The following ITGA5 variants were observed in gnomAD, a reference collection of about 807,000 sequenced individuals.
ITGA5 encodes the protein integrin subunit alpha 5.
A neutral mutation model predicts 146.3 loss-of-function variants in ITGA5; 55 were observed. The ratio of observed to expected loss-of-function variants is 0.38; its 90% CI spans 0.30 to 0.47. The LOEUF is 0.47. ITGA5 is among the 20% of genes least tolerant of loss of function. The pLI, the probability that ITGA5 is intolerant of heterozygous loss-of-function variation, is 0.99. For missense variants in ITGA5, 1,131 were observed against 1,329.0 expected (o/e 0.85, Z 2.32); for synonymous variants, 500 against 531.8 (o/e 0.94, Z 0.82).
At position 54,401,044 on chromosome 12, in the gene ITGA5, GC is replaced by G; in HGVS notation, c.2494-50del. 6.4e-7 allele frequency: 1 copy of G among 1,566,094 alleles called. No homozygotes were observed. On this transcript the variant is annotated intron_variant, in intron 24 of 29. Coordinates refer to ENST00000293379, the MANE Select transcript of ITGA5 (RefSeq NM_002205.5). This position sits in a 1 kb window ranked among gnomAD's most constrained non-coding sequence, Gnocchi z 5.0. ...TCATGAGAAGGAAGGGAATGCTTCTGCCCCATTGAGACCCTGGATCACCATG... is the reference window on the plus strand; with the variant it reads ...TCATGAGAAGGAAGGGAATGCTTCTGCCCATTGAGACCCTGGATCACCATG...
chr12:54,410,095 C>T (rs2700163), intron 2 of ITGA5, among the ~76,000 whole-genome samples: 139,900 of 151,954 alleles, frequency 0.92, 64,489 homozygotes, highest in East Asian at 0.95. Flanking sequence ...GACCTCATGA[C>T]CTGCCCGCCT....
chr12:54,404,738 C>A lies in ITGA5; in HGVS notation c.1382G>T (p.Arg461Leu). 6.2e-7 allele frequency: 1 copy of A among 1,614,130 alleles called. No homozygotes were observed. Among genetic ancestry groups the A allele is most frequent in the Non-Finnish European group, 8.5e-7 (1 of 1,180,026 alleles). The stretch of plus-strand genomic sequence containing the variant: ...ATTGCCATCCAGGTCTCGGCCTCCT[C>A]GAAGGGCAGAGCCAAAGAAGTCTGG... ...HTPDFFGSALRGGRDLDGNGY... is the reference protein window; with the variant it reads ...HTPDFFGSALLGGRDLDGNGY... Residue 461 changes from arginine to leucine, a missense_variant, in exon 13 of 30, where the codon CGA becomes CTA. Around this residue, in one of 3 missense-constraint regions of ITGA5, gnomAD observed 889 missense variants for 1,021.5 expected, o/e 0.87. Transcript: ENST00000293379.
rs757032816 is a variant in ITGA5, at chr12:54,401,429, G to C, written c.2437C>G (p.Arg813Gly). 1.2e-6 allele frequency: 2 copies of C among 1,614,074 alleles called. No individual in the cohort carries two copies. The highest frequency in any genetic ancestry group is 1.1e-5 in the South Asian group (1 of 91,064). Residue 813 changes from arginine to glycine, a missense_variant, in exon 24 of 30, where the codon CGA becomes GGA. Physicochemically the swap from Arg to Gly is moderately radical, Grantham distance 125. Around this residue, in one of 3 missense-constraint regions of ITGA5, gnomAD observed 889 missense variants for 1,021.5 expected, o/e 0.87. Coordinates refer to ENST00000293379, the MANE Select transcript of ITGA5 (RefSeq NM_002205.5). The surrounding 1 kb of genome is among the most constrained non-coding windows in gnomAD (Gnocchi z 5.0). ...VLFPVSDWHP[R>G]DQPQKEEDLG... ...TCCTCCTCCTTCTGAGGCTGGTCTC[G>C]GGGATGCCAGTCGCTTACTGGGAAT...
At chr12:54,396,985 C>G (rs1955718708) in intron 29 of ITGA5, among the ~76,000 whole-genome samples, 1 of 152,168 alleles carries the variant, frequency 6.6e-6, no homozygotes, top group Non-Finnish European at 1.5e-5. Flanking sequence ...CACACCTGGC[C>G]ATGGCTGCCT....
In ITGA5 at chr12:54,401,344, C is replaced by T. The variant is rs932715844; in HGVS notation, c.2493+29G>A. 1 of 1,471,250 alleles carries T rather than the reference C, an allele frequency of 6.8e-7. No individual in the cohort carries two copies. The highest frequency in any genetic ancestry group is 9.5e-7 in the Non-Finnish European group (1 of 1,050,612). 91.1% of individuals were successfully genotyped at this position (1,471,250 alleles called of 1,614,324 possible). On this transcript the variant is annotated intron_variant, in intron 24 of 29. Transcript: ENST00000293379. The surrounding 1 kb of genome is among the most constrained non-coding windows in gnomAD (Gnocchi z 5.0). The stretch of plus-strand genomic sequence containing the variant: ...TATTAGCTCCTCCTTTCCCATCATT[C>T]ATTCTGGCCCTGCCCCTTCCCCCCT...
chr12:54,400,803 C>T (rs574829843), intron 25 of ITGA5, 43 bp downstream of exon 25: 3 of 1,600,026 alleles, frequency 1.9e-6, no homozygotes, highest in African/African-American at 2.7e-5. Flanking sequence ...CCTTGGTCCT[C>T]TGAATCTGCT....
At chr12:54,406,165 A>G in intron 9 of ITGA5, 1 of 582,162 alleles carries the variant, frequency 1.7e-6, no homozygotes, top group Non-Finnish European at 3.1e-6. Context: ...TTTTGTATTT[A>G]TCTGTTCGTT....
intron 25 of ITGA5, 134 bp from the exon 26 acceptor site, chr12:54,400,081 A>G (rs1039004504): frequency 2.7e-5 from 18 of 670,670 alleles, no homozygotes; most frequent in African/African-American, 2.0e-4. Context: ...TCCACCTCCT[A>G]TGCGCAAGGC....
Position 54,403,605 on chromosome 12 carries a change from C to G in ITGA5, c.1776+20G>C, listed in dbSNP as rs1414217717. 6.2e-7 allele frequency: 1 copy of G among 1,608,086 alleles called. No homozygotes were observed. Among genetic ancestry groups the G allele is most frequent in the African/African-American group, 1.3e-5 (1 of 74,898 alleles). On this transcript the variant is annotated intron_variant, in intron 17 of 29. Coordinates refer to ENST00000293379, the MANE Select transcript of ITGA5 (RefSeq NM_002205.5). The surrounding 1 kb of genome is among the most constrained non-coding windows in gnomAD (Gnocchi z 4.9). ...GGCCACCCTCCCTGGCCAGTCCACA[C>G]CCCGCCCTCTGGGCCATACCCTGAG...
In ITGA5 at chr12:54,407,486, G is replaced by A. The variant is rs555800868; in HGVS notation, c.906+163C>T. 4,848 of 675,334 alleles carry A rather than the reference G, an allele frequency of 7.2e-3. 24 individuals carry two copies. Among genetic ancestry groups the A allele is most frequent in the Non-Finnish European group, 0.01 (3,707 of 364,752 alleles). 41.8% of individuals were successfully genotyped at this position (675,334 alleles called of 1,614,324 possible). A position where few individuals can be genotyped will look rare whatever the true frequency, so the allele number is the denominator to read the frequency against. On this transcript the variant is annotated intron_variant, in intron 9 of 29. Transcript: ENST00000293379. Reference sequence around the variant, plus strand: ...CAGCAGGAAGCAGAGTATGAATAAAGAGCAGAATGATTCTGCCAGAGTAAG... The same window carrying A: ...CAGCAGGAAGCAGAGTATGAATAAAAAGCAGAATGATTCTGCCAGAGTAAG...
At chr12:54,415,611 C>T (rs545777945) in intron 1 of ITGA5, among the ~76,000 whole-genome samples, 1 of 152,286 alleles carries the variant, frequency 6.6e-6, no homozygotes, top group African/African-American at 2.4e-5. Flanking sequence ...AACTTATTCC[C>T]TCCTCTCATA....
Position 54,409,083 on chromosome 12 carries a change from T to TA in ITGA5, c.584-130dup. On this transcript the variant is annotated intron_variant, in intron 4 of 29. Transcript: ENST00000293379. The surrounding 1 kb of genome is among the most constrained non-coding windows in gnomAD (Gnocchi z 4.7). ...GCCTTCCTGGACCAGACAGTAAGCATAAAGGCTAACGAACTGGGTTAGCCT... is the reference window on the plus strand; with the variant it reads ...GCCTTCCTGGACCAGACAGTAAGCATAAAAGGCTAACGAACTGGGTTAGCCT... 7.1e-7 allele frequency: 1 copy of TA among 1,409,682 alleles called. No homozygotes were observed. The highest frequency in any genetic ancestry group is 9.8e-7 in the Non-Finnish European group (1 of 1,015,988). 87.3% of individuals were successfully genotyped at this position (1,409,682 alleles called of 1,614,324 possible). A position where few individuals can be genotyped will look rare whatever the true frequency, so the allele number is the denominator to read the frequency against.
intron 13 of ITGA5, 66 bp downstream of exon 13, chr12:54,404,637 G>A (rs1475772408): frequency 6.6e-7 from 1 of 1,520,492 alleles, no homozygotes; most frequent in Non-Finnish European, 9.1e-7. Context: ...GAAAGGTGCA[G>A]AAGAGAGAGT....
rs142009562 is a variant in ITGA5, at chr12:54,399,714, C to T, written c.2772G>A (p.Gly924=). The change falls in exon 27 of 30, where the codon GGG becomes GGA. Residue 924 remains glycine (G), a synonymous_variant. Coordinates refer to ENST00000293379, the MANE Select transcript of ITGA5 (RefSeq NM_002205.5). The part of the protein sequence containing the change: ...AECFRLRCEL[G]PLHQQESQSL... ...TTTGGCTCTCTTGTTGGTGCAGGGG[C>T]CCGAGCTCACAGCGCAGCCTGAAAC... 75 of 1,614,136 alleles carry T rather than the reference C, an allele frequency of 4.6e-5. No individual in the cohort carries two copies. In the African/African-American group the frequency reaches 8.9e-4, roughly 19 times the overall value.
At position 54,411,839 on chromosome 12, in the gene ITGA5, C is replaced by A; in HGVS notation, c.344G>T (p.Ser115Ile). The part of the protein sequence containing the change: ...PTQCTPIEFD[S>I]KGSRLLESSL... ...CCTGAATTTCACTGGCCTACCTTTGCTGTCAAATTCAATGGGGGTGCACTG... is the reference window on the plus strand; with the variant it reads ...CCTGAATTTCACTGGCCTACCTTTGATGTCAAATTCAATGGGGGTGCACTG... Residue 115 changes from serine to isoleucine, a missense_variant, in exon 2 of 30, where the codon AGC becomes ATC. This residue lies in a region of ITGA5 where 175 missense variants were observed against 179.3 expected (regional missense o/e 0.98). Transcript: ENST00000293379. 1 of 1,487,918 alleles carries A rather than the reference C, an allele frequency of 6.7e-7. No homozygotes were observed. The highest frequency in any genetic ancestry group is 2.2e-5 in the Admixed American group (1 of 45,816). The allele number at this position is 1,487,918 out of a possible 1,614,324, so 92.2% of individuals were successfully genotyped here.
rs1019923938 is a variant in ITGA5 at position 54,409,809 on chromosome 12, T to TAC, written c.350-214_350-213dup. 32 of 541,194 alleles carry TAC rather than the reference T, an allele frequency of 5.9e-5. No individual in the cohort carries two copies. Among genetic ancestry groups the TAC allele is most frequent in the Middle Eastern group, 5.0e-4 (1 of 1,986 alleles). The allele number at this position is 541,194 out of a possible 1,614,324, so 33.5% of individuals were successfully genotyped here. ...TATCTCTCCACTACACACATACACA[T>TAC]ACACACACACACATACATACACACG... is the stretch of plus-strand genomic sequence containing the variant. On this transcript the variant is annotated intron_variant, in intron 2 of 29. Transcript: ENST00000293379. The surrounding 1 kb of genome is among the most constrained non-coding windows in gnomAD (Gnocchi z 4.7).
Position 54,402,143 on chromosome 12 carries a change from G to T in ITGA5, c.2133+37C>A, listed in dbSNP as rs1176287841. The T allele has an allele frequency of 5.0e-6, 8 of 1,613,608 alleles. No individual in the cohort carries two copies. In the Admixed American group the frequency reaches 1.3e-4, roughly 27 times the overall value. On this transcript the variant is annotated intron_variant, in intron 20 of 29. Coordinates refer to ENST00000293379, the MANE Select transcript of ITGA5 (RefSeq NM_002205.5). ...AGGTTTTGGTGTCCCCTCTAGAGGG[G>T]TATCCTCCCAAATCCCACTCGAGAG...
At chr12:54,400,400 A>G in intron 25 of ITGA5, 1 of 198,210 alleles carries the variant, frequency 5.0e-6, no homozygotes, top group Non-Finnish European at 1.0e-5. Flanking sequence ...TTTCTTTTCT[A>G]TGTCTATCAC....
At chr12:54,414,046 A>G (rs1953816345) in intron 1 of ITGA5, among the ~76,000 whole-genome samples, 2 of 152,352 alleles carry the variant, frequency 1.3e-5, no homozygotes, top group Middle Eastern at 3.4e-3. Flanking sequence ...CCCACAAGCC[A>G]GGGGCATATC....
Sources: gnomAD v4.1 joint callset for allele counts (sites outside exome capture counted in the v4.1 genomes callset) on GRCh38, gnomAD v4.1.1 for gene constraint, gnomAD v4.1.1 regional missense constraint, Gnocchi (gnomAD v3.1) non-coding constraint, MANE v1.5 for transcripts, NCBI Gene and HGNC (gene_info 2026-07-23, HGNC 2026-07-21) for gene names.